The following KAT8 variants were observed in gnomAD, a reference collection of about 807,000 sequenced individuals.
The protein encoded by KAT8 is lysine acetyltransferase 8.
KAT8 carries 40 observed loss-of-function variants against 62.9 expected under a neutral mutation model. That is an observed-to-expected ratio of 0.64 (90% CI 0.49 to 0.83). The LOEUF (loss-of-function observed/expected upper bound fraction) is 0.83, where lower values mean the gene tolerates loss of function less well. Among genes scored for constraint, KAT8 ranks in the 40% least tolerant of loss-of-function variants. The pLI is 0.00. For missense variants in KAT8, 387 were observed against 614.8 expected (o/e 0.63, Z 3.92); for synonymous variants, 278 against 254.5 (o/e 1.09, Z -0.88).
In KAT8 at chr16:31,131,317, A is replaced by G. The variant is rs1372007847; in HGVS notation, c.*58A>G. On this transcript the variant is annotated 3_prime_UTR_variant, in exon 11 of 11. Coordinates refer to ENST00000219797, the MANE Select transcript of KAT8 (RefSeq NM_032188.3). ...CCTGGCTCCCAGCCTGTAAATATGT[A>G]TAGACCTGTTTTGTCATTTTTTTAA... is the stretch of plus-strand genomic sequence containing the variant. 3.1e-6 allele frequency: 5 copies of G among 1,592,898 alleles called. No homozygotes were observed. The highest frequency in any genetic ancestry group is 1.7e-5 in the Admixed American group (1 of 59,028).
chr16:31,120,329 A>G lies in KAT8; in HGVS notation c.287-10A>G, dbSNP rs781625009. ...TGCCCTGGCAGCACTCTTATGGCCC[A>G]TACTTACAGTTAACCGGCGGCTGGA... On this transcript the variant is annotated splice_polypyrimidine_tract_variant and intron_variant, in intron 2 of 10. Coordinates refer to ENST00000219797, the MANE Select transcript of KAT8 (RefSeq NM_032188.3). 2.5e-6 allele frequency: 4 copies of G among 1,614,030 alleles called. No individual in the cohort carries two copies. The highest frequency in any genetic ancestry group is 1.3e-5 in the African/African-American group (1 of 75,062).
At chr16:31,122,929 C>A (rs1426182674) in intron 3 of KAT8, among the ~76,000 whole-genome samples, 1 of 151,928 alleles carries the variant, frequency 6.6e-6, no homozygotes, top group Non-Finnish European at 1.5e-5. Flanking sequence ...CGCCTGTAAT[C>A]CCAACACTTT....
At chr16:31,119,939 C>T (rs1042856384) in intron 1 of KAT8, among the ~76,000 whole-genome samples, 2 of 152,076 alleles carry the variant, frequency 1.3e-5, no homozygotes, top group African/African-American at 4.8e-5. Context: ...TCTCGGCCTC[C>T]AGAAGTACTG....
rs745608087 is a variant in KAT8 at position 31,128,016 on chromosome 16, T to C, written c.682-34T>C. 2.7e-5 allele frequency: 42 copies of C among 1,550,064 alleles called. No homozygotes were observed. The Admixed American group carries it at 3.0e-4, about 11-fold the overall frequency. On this transcript the variant is annotated intron_variant, in intron 5 of 10. Transcript: ENST00000219797. ...TGGGTGCCTCCTAGCAGAGAACATA[T>C]GGGCAGCGAACCTGTTCTCTTGTCC...
chr16:31,130,930 C>A, intron 10 of KAT8, 30 bp downstream of exon 10: 1 of 972,904 alleles, frequency 1.0e-6, no homozygotes. Context: ...GTGTCGGGGG[C>A]GGTGGGGGAG....
intron 9 of KAT8, 64 bp downstream of exon 9, chr16:31,130,670 C>CT: frequency 2.5e-6 from 4 of 1,610,866 alleles, no homozygotes; most frequent in Non-Finnish European, 3.4e-6. Flanking sequence ...ATCCTGCTTC[C>CT]TCATACCCTG....
At position 31,130,040 on chromosome 16, in the gene KAT8, G is replaced by T. The variant is rs200962996; in HGVS notation, c.795G>T (p.Leu265=). Residue 265 remains leucine, a synonymous_variant, in exon 7 of 11, where the codon CTG becomes CTT. Transcript: ENST00000219797. ...AGATTTACTGTCAGAACCTGTGTCT[G>T]CTGGCCAAGCTTTTCCTGGACCATA... ...DHKIYCQNLC[L]LAKLFLDHKT... is the part of the protein sequence containing the mutation. 3.9e-5 allele frequency: 63 copies of T among 1,614,042 alleles called. No individual in the cohort carries two copies. Among genetic ancestry groups the T allele is most frequent in the Non-Finnish European group, 5.3e-5 (62 of 1,180,040 alleles).
chr16:31,122,258 T>A (rs1443856421), intron 3 of KAT8: 1 of 152,184 alleles, frequency 6.6e-6, no homozygotes, highest in Non-Finnish European at 1.5e-5. Flanking sequence ...TGTTGCACTT[T>A]ATTAAGTGTA....
intron 6 of KAT8, among the ~76,000 whole-genome samples, chr16:31,129,464 C>T (rs572193980): frequency 2.6e-5 from 4 of 152,246 alleles, no homozygotes; most frequent in South Asian, 2.1e-4. Flanking sequence ...GCACAGCTGC[C>T]GGGTTGGATG....
Position 31,117,798 on chromosome 16 carries a change from C to T in KAT8, c.117C>T (p.Gly39=). 7.0e-7 allele frequency: 1 copy of T among 1,423,332 alleles called. No homozygotes were observed. Among genetic ancestry groups the T allele is most frequent in the Non-Finnish European group, 9.3e-7 (1 of 1,078,342 alleles). 88.2% of individuals were successfully genotyped at this position (1,423,332 alleles called of 1,614,324 possible). A position where few individuals can be genotyped will look rare whatever the true frequency, so the allele number is the denominator to read the frequency against. The change falls in exon 1 of 11, where the codon GGC becomes GGT. Residue 39 remains glycine, a synonymous_variant. Transcript: ENST00000219797. ...AAAEGTAPSP[G]RVSPPTPARG... ...CTGAGGGGACCGCCCCATCCCCGGG[C>T]CGCGTCTCTCCGCCGACCCCGGCGC...
Position 31,127,361 on chromosome 16 carries a change from T to A in KAT8, c.681+8T>A. ...AGCTACCGCTTCCACTTGGTGAGGCTGGGCCGGCCGGGCCGAGCTGGGCAG... is the reference window on the plus strand; with the variant it reads ...AGCTACCGCTTCCACTTGGTGAGGCAGGGCCGGCCGGGCCGAGCTGGGCAG... On this transcript the variant is annotated splice_region_variant and intron_variant, in intron 5 of 10. Transcript: ENST00000219797. 1 of 1,613,734 alleles carries A rather than the reference T, an allele frequency of 6.2e-7. No homozygotes were observed. The highest frequency in any genetic ancestry group is 8.5e-7 in the Non-Finnish European group (1 of 1,179,856).
intron 6 of KAT8, 46 bp from the exon 7 acceptor site, chr16:31,129,971 G>C (rs750318885): frequency 6.2e-7 from 1 of 1,608,706 alleles, no homozygotes; most frequent in Admixed American, 1.7e-5. Context: ...GCTGGGTGGG[G>C]CCTGTGCCTG....
chr16:31,125,064 C>A (rs1457104444), intron 3 of KAT8, among the ~76,000 whole-genome samples: 1 of 151,894 alleles, frequency 6.6e-6, no homozygotes, highest in Non-Finnish European at 1.5e-5. Flanking sequence ...TGGTAGCAGG[C>A]ACATGTAGTC....
At chr16:31,124,694 T>G (rs2057520619) in intron 3 of KAT8, among the ~76,000 whole-genome samples, 1 of 140,618 alleles carries the variant, frequency 7.1e-6, no homozygotes, top group Admixed American at 7.8e-5. Context: ...ATTTTGCCAT[T>G]GCACTCCAGC....
chr16:31,131,383 G>T, downstream of KAT8: 1 of 1,101,274 alleles, frequency 9.1e-7, no homozygotes, highest in Admixed American at 2.2e-5. Context: ...GAGGGGAAGG[G>T]GAGGCCAAGA....
At chr16:31,125,083 T>C (rs961265625) in intron 3 of KAT8, among the ~76,000 whole-genome samples, 1 of 151,712 alleles carries the variant, frequency 6.6e-6, no homozygotes, top group Non-Finnish European at 1.5e-5. Context: ...TCTCAGCCAC[T>C]TGGGAGGCTG....
At chr16:31,127,836 G>A (rs953610989) in intron 5 of KAT8, among the ~76,000 whole-genome samples, 7 of 152,208 alleles carry the variant, frequency 4.6e-5, no homozygotes, top group South Asian at 4.1e-4. Flanking sequence ...AAACCCCACC[G>A]TGCTGTGTGA....
intron 3 of KAT8, among the ~76,000 whole-genome samples, chr16:31,122,041 G>T (rs957494169): frequency 2.0e-5 from 3 of 152,158 alleles, no homozygotes; most frequent in African/African-American, 7.2e-5. Flanking sequence ...GTGAGCCACT[G>T]CGCCCGACCA....
At chr16:31,120,540 C>T in intron 3 of KAT8, 26 bp downstream of exon 3, 2 of 1,582,978 alleles carry the variant, frequency 1.3e-6, no homozygotes, top group Non-Finnish European at 1.7e-6. Context: ...CATCCACGGG[C>T]CCAGGAGGCC....
Sources: gnomAD v4.1 joint callset for allele counts (sites outside exome capture counted in the v4.1 genomes callset) on GRCh38, gnomAD v4.1.1 for gene constraint, MANE v1.5 for transcripts, NCBI Gene and HGNC (gene_info 2026-07-23, HGNC 2026-07-21) for gene names.